Variants in PARP15 observed in about 807,000 individuals in gnomAD.
The protein encoded by PARP15 is poly(ADP-ribose) polymerase family member 15.
A neutral mutation model predicts 62.1 loss-of-function variants in PARP15; 50 were observed. The ratio of observed to expected loss-of-function variants is 0.81; its 90% CI spans 0.64 to 1.02. The LOEUF is 1.02. Ranked by LOEUF, PARP15 falls within the 50% of genes least tolerant of loss-of-function variation. The probability of loss-of-function intolerance (pLI) is 0.00; values close to 1 mark genes in which losing one functional copy is unlikely to be tolerated. For synonymous variants in PARP15, 309 were observed against 293.1 expected, an observed-to-expected ratio of 1.05 and a Z score of -0.55; for missense variants, 820 against 826.5, an observed-to-expected ratio of 0.99 and a Z score of 0.10.
At chr3:122,605,743 T>TTTTA (rs1408929981) in intron 1 of PARP15, among the ~76,000 whole-genome samples, 193 bp from the exon 2 acceptor site, 1 of 151,912 alleles carries the variant, frequency 6.6e-6, no homozygotes, top group Non-Finnish European at 1.5e-5. Flanking sequence ...CCGGCTAATT[T>TTTTA]TTTATTTATT....
chr3:122,632,331 C>A, intron 10 of PARP15, 112 bp downstream of exon 10: 1 of 1,057,168 alleles, frequency 9.5e-7, no homozygotes, highest in Non-Finnish European at 1.3e-6. Flanking sequence ...TTTATTTTAA[C>A]TGGAATTAGA....
Position 122,582,775 on chromosome 3 carries a change from G to A in PARP15, c.186+4922G>A, listed in dbSNP as rs543756224. Among the ~76,000 whole-genome samples, 6 of 151,724 alleles carry A rather than the reference G, an allele frequency of 4.0e-5. No homozygotes were observed. In the East Asian group the frequency reaches 5.8e-4, roughly 15 times the overall value. On this transcript the variant is annotated intron_variant, in intron 1 of 11. Coordinates refer to ENST00000464300, the MANE Select transcript of PARP15 (RefSeq NM_001113523.3). ...TCCTGTACCTTCCTCTCTCTCTTTC[G>A]TATTAGTCCTCTTAAAGTTTTGCCA...
In PARP15 at chr3:122,617,172, A is replaced by G. The variant is rs773007937; in HGVS notation, c.1000+8A>G. 27 of 1,607,850 alleles carry G rather than the reference A, an allele frequency of 1.7e-5. No homozygotes were observed. Among genetic ancestry groups the G allele is most frequent in the Non-Finnish European group, 2.3e-5 (27 of 1,175,116 alleles). ...CATTTAATCGGAAATCAGGTACTTT[A>G]TTTAAGCAATATATTGTAATTATTA... is the stretch of plus-strand genomic sequence containing the variant. On this transcript the variant is annotated splice_region_variant and intron_variant, in intron 6 of 11. Coordinates refer to ENST00000464300, the MANE Select transcript of PARP15 (RefSeq NM_001113523.3).
chr3:122,589,291 G>A (rs150228494), intron 1 of PARP15, among the ~76,000 whole-genome samples: 22 of 152,108 alleles, frequency 1.4e-4, no homozygotes, highest in African/African-American at 4.6e-4. Context: ...TCATCTAAAC[G>A]TAATTGTCTC....
At chr3:122,597,712 TTTCTA>T (rs1374967848) in intron 1 of PARP15, among the ~76,000 whole-genome samples, 2 of 152,192 alleles carry the variant, frequency 1.3e-5, no homozygotes, top group Non-Finnish European at 2.9e-5. Context: ...TGCATTTTCT[TTTCTA>T]GTCTATACAT....
chr3:122,623,698 G>A (rs1358442064), intron 8 of PARP15, among the ~76,000 whole-genome samples: 1 of 152,228 alleles, frequency 6.6e-6, no homozygotes, highest in Non-Finnish European at 1.5e-5. Flanking sequence ...GGAAGGACCA[G>A]ATCTTTATGT....
intron 11 of PARP15, 94 bp downstream of exon 11, chr3:122,635,288 G>C: frequency 8.8e-7 from 1 of 1,142,604 alleles, no homozygotes; most frequent in Non-Finnish European, 1.2e-6. Context: ...GTGGGCAGCT[G>C]TATTATCACT....
intron 10 of PARP15, among the ~76,000 whole-genome samples, chr3:122,632,724 G>A (rs936017296): frequency 2.6e-5 from 4 of 152,210 alleles, no homozygotes; most frequent in African/African-American, 9.7e-5. Flanking sequence ...GTTACTGGAC[G>A]AGAATCCCAA....
chr3:122,611,878 C>T (rs775666937), intron 3 of PARP15, among the ~76,000 whole-genome samples: 5 of 151,758 alleles, frequency 3.3e-5, no homozygotes, highest in African/African-American at 7.3e-5. Flanking sequence ...CTACACCTGG[C>T]TAATTTTGTA....
chr3:122,587,855 A>G (rs968022914), intron 1 of PARP15, among the ~76,000 whole-genome samples: 2 of 152,204 alleles, frequency 1.3e-5, no homozygotes, highest in Non-Finnish European at 2.9e-5. Context: ...ACTCACTAAC[A>G]TGACATTGTG....
chr3:122,610,343 T>C, intron 2 of PARP15, 151 bp from the exon 3 acceptor site: 3 of 681,544 alleles, frequency 4.4e-6, no homozygotes, highest in Admixed American at 3.0e-5. Context: ...GTGCTAACAA[T>C]AGACTGTAAG....
intron 2 of PARP15, among the ~76,000 whole-genome samples, chr3:122,606,930 C>T (rs1033376931): frequency 2.0e-5 from 3 of 152,178 alleles, no homozygotes; most frequent in South Asian, 2.1e-4. Flanking sequence ...TTGTGAGCCA[C>T]TGGAAATATT....
At chr3:122,633,250 T>C (rs1277584400) in intron 10 of PARP15, among the ~76,000 whole-genome samples, 1 of 152,242 alleles carries the variant, frequency 6.6e-6, no homozygotes, top group Non-Finnish European at 1.5e-5. Flanking sequence ...CCTAGGAAGC[T>C]GTCTAGCACA....
chr3:122,623,936 G>C (rs939444081), intron 8 of PARP15, among the ~76,000 whole-genome samples: 1 of 152,120 alleles, frequency 6.6e-6, no homozygotes, highest in Non-Finnish European at 1.5e-5. Flanking sequence ...TTGATTGCTT[G>C]AGGTCAGGAG....
At chr3:122,613,903 C>T (rs140485869) in intron 4 of PARP15, among the ~76,000 whole-genome samples, 2,270 of 144,786 alleles carry the variant, frequency 0.016, 71 homozygotes, top group African/African-American at 0.055. Context: ...CTCACTGCAG[C>T]GGCGTGATCT....
rs34654347 is a variant in PARP15 at position 122,614,666 on chromosome 3, C to A, written c.772-1113C>A. 4.2e-3 allele frequency among the ~76,000 whole-genome samples: 641 copies of A among 152,114 alleles called. 1 individual carries two copies. The highest frequency in any genetic ancestry group is 7.0e-3 in the Non-Finnish European group (475 of 68,010). Reference sequence around the variant, plus strand: ...TTGTTGAGTTCACAATAACATCTGCCCTTTATTGGGGTGACATCTTCAGTA... The same window carrying A: ...TTGTTGAGTTCACAATAACATCTGCACTTTATTGGGGTGACATCTTCAGTA... On this transcript the variant is annotated intron_variant, in intron 4 of 11. Coordinates refer to ENST00000464300, the MANE Select transcript of PARP15 (RefSeq NM_001113523.3).
Position 122,632,515 on chromosome 3 carries a change from T to C in PARP15, c.1572+296T>C, listed in dbSNP as rs922678985. On this transcript the variant is annotated intron_variant, in intron 10 of 11. Transcript: ENST00000464300. Reference sequence around the variant, plus strand: ...TGGAAATTAATGGAAAGTCCCAAAGTAGGATGGGCTTTGGAGAAGTCTGAT... The same window carrying C: ...TGGAAATTAATGGAAAGTCCCAAAGCAGGATGGGCTTTGGAGAAGTCTGAT... Among the ~76,000 whole-genome samples the C allele has an allele frequency of 1.3e-5, 2 of 152,182 alleles. 1 individual carries two copies.
chr3:122,592,954 A>C (rs1934040093), intron 1 of PARP15, among the ~76,000 whole-genome samples: 1 of 152,238 alleles, frequency 6.6e-6, no homozygotes, highest in South Asian at 2.1e-4. Flanking sequence ...CCACTATGCC[A>C]GGAATGAGCT....
At chr3:122,582,189 T>G (rs1933003404) in intron 1 of PARP15, among the ~76,000 whole-genome samples, 1 of 152,000 alleles carries the variant, frequency 6.6e-6, no homozygotes, top group Non-Finnish European at 1.5e-5. Context: ...TTTTTTTTTT[T>G]GAAACAAGGT....
Sources: allele counts gnomAD v4.1 joint callset (sites outside exome capture counted in the v4.1 genomes callset), GRCh38; gene constraint gnomAD v4.1.1; transcripts MANE v1.5; gene names NCBI Gene and HGNC (gene_info 2026-07-23, HGNC 2026-07-21).